KNTC1: variants seen among roughly 807,000 people sequenced by gnomAD.
KNTC1 encodes kinetochore associated 1.
Under a neutral mutation model 314.4 loss-of-function variants are expected in KNTC1, and 253 were observed. The ratio of observed to expected loss-of-function variants is 0.80; its 90% CI spans 0.73 to 0.89. The LOEUF is 0.89. Ranked by LOEUF, KNTC1 falls within the 40% of genes least tolerant of loss-of-function variation. KNTC1 has a pLI of 0.00. For missense variants in KNTC1, 2,475 were observed against 2,572.9 expected (o/e 0.96, Z 0.82); for synonymous variants, 901 against 901.4 (o/e 1.00, Z 0.01).
At chr12:122,534,641 C>T (rs1484935497) in intron 2 of KNTC1, 23 bp from the exon 3 acceptor site, 1 of 1,584,604 alleles carries the variant, frequency 6.3e-7, no homozygotes. Context: ...TTTGAATTTT[C>T]ATCATGCTTT....
rs892630601 is a variant in KNTC1 at position 122,559,172 on chromosome 12, C to G, written c.1488+1483C>G. Among the ~76,000 whole-genome samples the G allele has an allele frequency of 2.0e-5, 3 of 148,390 alleles. No homozygotes were observed. The Admixed American group carries it at 2.1e-4, about 10-fold the overall frequency. On this transcript the variant is annotated intron_variant, in intron 18 of 63. Transcript: ENST00000333479. The stretch of plus-strand genomic sequence containing the variant: ...GACCATTGTGACGAACATGGTGAAA[C>G]CCCGTCTCTACTAAAATACAAAAAA...
intron 59 of KNTC1, 78 bp from the exon 60 acceptor site, chr12:122,620,401 G>C: frequency 7.4e-7 from 1 of 1,357,278 alleles, no homozygotes; most frequent in Non-Finnish European, 1.0e-6. Context: ...ACAGGCAGAT[G>C]ACTATGGAAA....
intron 42 of KNTC1, chr12:122,592,669 G>C (rs1161489220): frequency 1.3e-5 from 2 of 152,272 alleles, no homozygotes; most frequent in East Asian, 3.9e-4. Flanking sequence ...AATCTGATGG[G>C]GACGTGGAGA....
chr12:122,606,053 G>T (rs914785203), intron 51 of KNTC1, among the ~76,000 whole-genome samples: 7 of 151,274 alleles, frequency 4.6e-5, no homozygotes, highest in African/African-American at 1.5e-4. Context: ...TAGAGACAGG[G>T]TCTCTCACTT....
chr12:122,573,068 G>A lies in KNTC1; in HGVS notation c.2139+12G>A. On this transcript the variant is annotated intron_variant, in intron 25 of 63. Transcript: ENST00000333479. ...CTGATTTTGAGAAGGTAAAGTCCAG[G>A]GTCATAAGAATTATTTTGTATATCA... The A allele has an allele frequency of 6.2e-7, 1 of 1,612,732 alleles. No homozygotes were observed.
rs756640741 is a variant in KNTC1 at position 122,569,666 on chromosome 12, C to G, written c.1717-15C>G. 3 of 1,598,656 alleles carry G rather than the reference C, an allele frequency of 1.9e-6. No individual in the cohort carries two copies. Among genetic ancestry groups the G allele is most frequent in the African/African-American group, 1.3e-5 (1 of 74,194 alleles). On this transcript the variant is annotated splice_polypyrimidine_tract_variant and intron_variant, in intron 21 of 63. Coordinates refer to ENST00000333479, the MANE Select transcript of KNTC1 (RefSeq NM_014708.6). ...AAATTTGTCAGATCTTAATTTCTCG[C>G]TCCTTATAATTTAGGCAAACTTTGA...
intron 2 of KNTC1, among the ~76,000 whole-genome samples, chr12:122,534,307 C>T (rs963753629): frequency 1.1e-4 from 16 of 152,170 alleles, no homozygotes; most frequent in African/African-American, 3.1e-4. Context: ...AGTTCACCAC[C>T]GTTCCCCTGC....
chr12:122,529,986 A>G lies in KNTC1; in HGVS notation c.-73-5A>G, dbSNP rs1466933147. On this transcript the variant is annotated splice_region_variant and splice_polypyrimidine_tract_variant and intron_variant, in intron 1 of 63. Transcript: ENST00000333479. ...TTCCCAAGGAACCAGGTTCTATGCAACAAGATAATATGGTGTCTAATTTTA... is the reference window on the plus strand; with the variant it reads ...TTCCCAAGGAACCAGGTTCTATGCAGCAAGATAATATGGTGTCTAATTTTA... The G allele has an allele frequency of 2.0e-6, 3 of 1,482,088 alleles. No homozygotes were observed. Among genetic ancestry groups the G allele is most frequent in the East Asian group, 2.3e-5 (1 of 42,830 alleles). The allele number at this position is 1,482,088 out of a possible 1,614,324, so 91.8% of individuals were successfully genotyped here. A position where few individuals can be genotyped will look rare whatever the true frequency, so the allele number is the denominator to read the frequency against.
At chr12:122,571,446 A>G (rs1964680700) in intron 24 of KNTC1, among the ~76,000 whole-genome samples, 1 of 151,636 alleles carries the variant, frequency 6.6e-6, no homozygotes, top group Non-Finnish European at 1.5e-5. Flanking sequence ...TGCACCCTCA[A>G]CTTTTGGGCT....
At chr12:122,568,219 T>C in intron 20 of KNTC1, 42 bp from the exon 21 acceptor site, 1 of 953,368 alleles carries the variant, frequency 1.0e-6, no homozygotes, top group South Asian at 1.5e-5. Context: ...ATAACCTTAA[T>C]TTTTTTTAAA....
At chr12:122,558,241 CTG>C (rs1418942381) in intron 18 of KNTC1, among the ~76,000 whole-genome samples, 2 of 151,558 alleles carry the variant, frequency 1.3e-5, no homozygotes, top group Admixed American at 6.6e-5. Context: ...CAGAGCAAGA[CTG>C]TGTCTCAAAA....
intron 51 of KNTC1, among the ~76,000 whole-genome samples, chr12:122,607,896 T>A (rs985434528): frequency 1.3e-5 from 2 of 152,198 alleles, no homozygotes; most frequent in Non-Finnish European, 2.9e-5. Context: ...TTTCAAAGGA[T>A]CACACCAGGA....
intron 42 of KNTC1, among the ~76,000 whole-genome samples, chr12:122,592,386 C>T (rs1171383641): frequency 1.3e-5 from 2 of 152,328 alleles, no homozygotes; most frequent in East Asian, 3.9e-4. Flanking sequence ...TCCCATGGAC[C>T]GCCCAAGGGC....
chr12:122,585,015 C>T (rs761400316), intron 36 of KNTC1, 25 bp downstream of exon 36: 18 of 1,382,570 alleles, frequency 1.3e-5, no homozygotes, highest in Non-Finnish European at 1.8e-5. Flanking sequence ...AGTTTTTTCC[C>T]TTAAATCCTG....
At position 122,571,135 on chromosome 12, in the gene KNTC1, T is replaced by A. The variant is rs760997500; in HGVS notation, c.2019+9T>A. On this transcript the variant is annotated intron_variant, in intron 24 of 63. Transcript: ENST00000333479. ...GGCATTGGATTTCCTTGGTATGATGTGAGAATGGATTTTTAGTAATGAAAC... is the reference window on the plus strand; with the variant it reads ...GGCATTGGATTTCCTTGGTATGATGAGAGAATGGATTTTTAGTAATGAAAC... 1.2e-5 allele frequency: 19 copies of A among 1,595,010 alleles called. No homozygotes were observed. The highest frequency in any genetic ancestry group is 1.7e-4 in the Middle Eastern group (1 of 6,046).
chr12:122,595,213 A>G (rs1870875267), intron 43 of KNTC1, among the ~76,000 whole-genome samples: 1 of 152,242 alleles, frequency 6.6e-6, no homozygotes, highest in Non-Finnish European at 1.5e-5. Flanking sequence ...TGTTATTTAT[A>G]GATTCCGCTG....
At chr12:122,548,007 G>A (rs946299282) in intron 12 of KNTC1, 38 bp downstream of exon 12, 1 of 1,348,434 alleles carries the variant, frequency 7.4e-7, no homozygotes, top group East Asian at 2.5e-5. Context: ...CCTATATTAT[G>A]TGTTAGAAAA....
At chr12:122,613,279 T>C in intron 54 of KNTC1, 49 bp downstream of exon 54, 1 of 1,253,400 alleles carries the variant, frequency 8.0e-7, no homozygotes, top group South Asian at 1.2e-5. Context: ...ACAGATCATT[T>C]TTTGGAGCTG....
intron 1 of KNTC1, chr12:122,527,783 C>T (rs1386568936): frequency 3.9e-5 from 6 of 152,450 alleles, no homozygotes; most frequent in East Asian, 1.9e-4. Context: ...AGTCTTTGCA[C>T]TCTGTTCCCT....
Sources: gnomAD v4.1 joint callset for allele counts (sites outside exome capture counted in the v4.1 genomes callset) on GRCh38, gnomAD v4.1.1 for gene constraint, MANE v1.5 for transcripts, NCBI Gene and HGNC (gene_info 2026-07-23, HGNC 2026-07-21) for gene names.